Variants in PTCH2 observed in about 807,000 individuals in gnomAD.
The protein encoded by PTCH2 is patched 2, also known as protein patched homolog 2.
Under a neutral mutation model 117.9 loss-of-function variants are expected in PTCH2, and 96 were observed. The ratio of observed to expected loss-of-function variants is 0.81; its 90% CI spans 0.69 to 0.96. The LOEUF (loss-of-function observed/expected upper bound fraction) is 0.96, where lower values mean the gene tolerates loss of function less well. PTCH2 is among the 50% of genes least tolerant of loss of function. The probability of loss-of-function intolerance (pLI) is 0.00; values close to 1 mark genes in which losing one functional copy is unlikely to be tolerated. For missense variants in PTCH2, 1,379 were observed against 1,562.5 expected (o/e 0.88, Z 1.98); for synonymous variants, 615 against 660.9 (o/e 0.93, Z 1.06).
At chr1:44,833,083 G>A (rs1317260342) in intron 2 of PTCH2, among the ~76,000 whole-genome samples, 6 of 152,094 alleles carry the variant, frequency 3.9e-5, no homozygotes, top group Admixed American at 2.6e-4. Flanking sequence ...CCTTTTCACC[G>A]CCCTCACTGT....
rs184331098 is a variant in PTCH2, at chr1:44,831,108, G to A, written c.618-65C>T. 463 of 1,496,764 alleles carry A rather than the reference G, an allele frequency of 3.1e-4. No homozygotes were observed. In the African/African-American group the frequency reaches 5.8e-3, roughly 19 times the overall value. The allele number at this position is 1,496,764 out of a possible 1,614,324, so 92.7% of individuals were successfully genotyped here. Reference sequence around the variant, plus strand: ...AAACCCAGGCTCCAAACTGCTGCTGGGGCGCCATGCTGTACCCCACCCTCC... The same window carrying A: ...AAACCCAGGCTCCAAACTGCTGCTGAGGCGCCATGCTGTACCCCACCCTCC... On this transcript the variant is annotated intron_variant, in intron 5 of 21. Transcript: ENST00000372192. This position sits in a 1 kb window ranked among gnomAD's most constrained non-coding sequence, Gnocchi z 4.3.
At chr1:44,840,153 A>C (rs1329349202) in intron 2 of PTCH2, among the ~76,000 whole-genome samples, 1 of 141,048 alleles carries the variant, frequency 7.1e-6, no homozygotes, top group African/African-American at 2.8e-5. Context: ...CCCAGGCTGG[A>C]GTGCAGTGCG....
Position 44,827,707 on chromosome 1 carries a change from A to G in PTCH2, c.2066T>C (p.Val689Ala). The G allele has an allele frequency of 6.2e-7, 1 of 1,611,284 alleles. No individual in the cohort carries two copies. Among genetic ancestry groups the G allele is most frequent in the Non-Finnish European group, 8.5e-7 (1 of 1,179,996 alleles). ...LLLQSHAKAI[V>A]LVLFGALLGL... ...CAGAAGAGCACCAAAGAGCACCAGCACGATGGCCTGCGGGATGTAGCAACT... is the reference window on the plus strand; with the variant it reads ...CAGAAGAGCACCAAAGAGCACCAGCGCGATGGCCTGCGGGATGTAGCAACT... The change falls in exon 15 of 22, where the codon GTG becomes GCG. Residue 689 changes from valine to alanine, a missense_variant. Val to Ala is a moderately conservative substitution (Grantham distance 64). Transcript: ENST00000372192.
chr1:44,826,184 G>A lies in PTCH2; in HGVS notation c.3114+66C>T. ...AAATAGTACCTAGCACATAGTAGGG[G>A]CTTGAACAATATGTGTTGAATACTG... On this transcript the variant is annotated intron_variant, in intron 19 of 21. Coordinates refer to ENST00000372192, the MANE Select transcript of PTCH2 (RefSeq NM_003738.5). This position sits in a 1 kb window ranked among gnomAD's most constrained non-coding sequence, Gnocchi z 5.1. 6.4e-7 allele frequency: 1 copy of A among 1,569,016 alleles called. No homozygotes were observed. The highest frequency in any genetic ancestry group is 8.7e-7 in the Non-Finnish European group (1 of 1,153,350).
chr1:44,832,368 G>T (rs201889657), intron 2 of PTCH2, 27 bp from the exon 3 acceptor site: 14 of 1,612,826 alleles, frequency 8.7e-6, no homozygotes, highest in African/African-American at 5.3e-5. Flanking sequence ...AGAAAGCTGG[G>T]GGGGAAAGGG....
rs2148870836 is a variant in PTCH2, at chr1:44,822,276, C to T, written c.*139G>A. The T allele has an allele frequency of 6.4e-7, 1 of 1,573,764 alleles. No individual in the cohort carries two copies. The highest frequency in any genetic ancestry group is 8.6e-7 in the Non-Finnish European group (1 of 1,167,096). On this transcript the variant is annotated 3_prime_UTR_variant, in exon 22 of 22. Transcript: ENST00000372192. ...CTGTTCTGTATGGATATCAGGGAGGCCCATGACAGCTGGGTCGGGAGAGGG... is the reference window on the plus strand; with the variant it reads ...CTGTTCTGTATGGATATCAGGGAGGTCCATGACAGCTGGGTCGGGAGAGGG...
At chr1:44,828,245 G>T in intron 13 of PTCH2, 51 bp downstream of exon 13, 2 of 1,612,542 alleles carry the variant, frequency 1.2e-6, no homozygotes, top group South Asian at 2.2e-5. Context: ...GCTGGTGAGG[G>T]GACAGGCTGG....
At chr1:44,842,273 CCTT>C (rs1653982325) in intron 1 of PTCH2, among the ~76,000 whole-genome samples, 2 of 125,576 alleles carry the variant, frequency 1.6e-5, no homozygotes, top group African/African-American at 6.3e-5. Flanking sequence ...TGTTTTCTCT[CCTT>C]TTTTTTTTTT....
chr1:44,829,129 C>G (rs1002087670), intron 10 of PTCH2, 28 bp downstream of exon 10: 1 of 1,613,804 alleles, frequency 6.2e-7, no homozygotes, highest in Non-Finnish European at 8.5e-7. Flanking sequence ...GTGACTGGCA[C>G]TGAGTCTGCC....
intron 2 of PTCH2, among the ~76,000 whole-genome samples, chr1:44,841,616 CACAG>C (rs1465093342): frequency 6.6e-6 from 1 of 152,322 alleles, no homozygotes; most frequent in East Asian, 1.9e-4. Flanking sequence ...CGTACAAAAT[CACAG>C]ACAAATATTC....
At chr1:44,824,273 C>T (rs1161564143) in intron 19 of PTCH2, among the ~76,000 whole-genome samples, 2 of 152,082 alleles carry the variant, frequency 1.3e-5, no homozygotes, top group African/African-American at 4.8e-5. Flanking sequence ...TGTTTGTTTT[C>T]AAGGATCATA....
Position 44,823,472 on chromosome 1 carries a change from T to C in PTCH2, c.3115-87A>G. On this transcript the variant is annotated intron_variant, in intron 19 of 21. Coordinates refer to ENST00000372192, the MANE Select transcript of PTCH2 (RefSeq NM_003738.5). The surrounding 1 kb of genome is among the most constrained non-coding windows in gnomAD (Gnocchi z 5.1). ...CCCGAGCTGTATCTGTCTTCAGAGC[T>C]CAACGATACCTTGGCCCACCAAAGG... The C allele has an allele frequency of 6.3e-7, 1 of 1,584,792 alleles. No homozygotes were observed. Among genetic ancestry groups the C allele is most frequent in the South Asian group, 1.1e-5 (1 of 89,116 alleles).
rs1365665350 is a variant in PTCH2, at chr1:44,831,963, C to T, written c.525+12G>A. 2 of 1,607,752 alleles carry T rather than the reference C, an allele frequency of 1.2e-6. No homozygotes were observed. The highest frequency in any genetic ancestry group is 1.7e-5 in the Admixed American group (1 of 60,006). ...AAAAAGTTCTGCCTCTACTCCCTCT[C>T]AGGACACTTACCCGCTCAATCATTC... On this transcript the variant is annotated intron_variant, in intron 4 of 21. Coordinates refer to ENST00000372192, the MANE Select transcript of PTCH2 (RefSeq NM_003738.5). The surrounding 1 kb of genome is among the most constrained non-coding windows in gnomAD (Gnocchi z 4.3).
intron 2 of PTCH2, among the ~76,000 whole-genome samples, chr1:44,834,148 TC>T (rs1422764850): frequency 2.0e-5 from 3 of 150,784 alleles, no homozygotes; most frequent in Non-Finnish European, 4.4e-5. Flanking sequence ...AGACTGAGTT[TC>T]GCTCTTATTG....
At position 44,826,661 on chromosome 1, in the gene PTCH2, C is replaced by T. The variant is rs144561012; in HGVS notation, c.2803G>A (p.Ala935Thr). The T allele has an allele frequency of 5.9e-5, 95 of 1,611,320 alleles. No homozygotes were observed. The highest frequency in any genetic ancestry group is 2.3e-4 in the African/African-American group (17 of 75,012). The change falls in exon 18 of 22, where the codon GCA (alanine) becomes ACA (threonine). Residue 935 changes from alanine to threonine, a missense_variant. Ala to Thr is a moderately conservative substitution (Grantham distance 58). Coordinates refer to ENST00000372192, the MANE Select transcript of PTCH2 (RefSeq NM_003738.5). The surrounding 1 kb of genome is among the most constrained non-coding windows in gnomAD (Gnocchi z 5.1). Reference protein sequence around the residue: ...EAIEGARAACAEAGQAGVHAY... With the variant: ...EAIEGARAACTEAGQAGVHAY... The stretch of plus-strand genomic sequence containing the variant: ...TGCACCCCAGCCTGGCCGGCCTCTG[C>T]GCATGCTGCCCGGGCCCCCTCGATG...
intron 19 of PTCH2, among the ~76,000 whole-genome samples, chr1:44,824,282 T>C (rs1385930966): frequency 6.6e-6 from 1 of 152,196 alleles, no homozygotes; most frequent in Admixed American, 6.5e-5. Flanking sequence ...TCAAGGATCA[T>C]ATATTGTTTT....
chr1:44,821,150 T>C (rs1652894489), downstream of PTCH2, among the ~76,000 whole-genome samples: 1 of 152,114 alleles, frequency 6.6e-6, no homozygotes, highest in Non-Finnish European at 1.5e-5. Flanking sequence ...TGAACTAGAC[T>C]ATGGGTCCTA....
At position 44,842,919 on chromosome 1, in the gene PTCH2, G is replaced by A. The variant is rs1252822973; in HGVS notation, c.14C>T (p.Pro5Leu). 49 of 1,548,230 alleles carry A rather than the reference G, an allele frequency of 3.2e-5. No individual in the cohort carries two copies. The Admixed American group carries it at 9.7e-4, about 31-fold the overall frequency. The change falls in exon 1 of 22, where the codon CCG becomes CTG. Residue 5 changes from proline (P) to leucine (L), a missense_variant. Transcript: ENST00000372192. ...ACTCGGGGGCAGCTCTCTGAGGGGC[G>A]GCGATCGAGTCATGCTGGCGGGGAT... MTRS[P>L]PLRELPPSYT...
rs11573540 is a variant in PTCH2 at position 44,839,900 on chromosome 1, C to T, written c.265+1947G>A. 5.1e-3 allele frequency among the ~76,000 whole-genome samples: 770 copies of T among 152,116 alleles called. 7 individuals are homozygous for T. The highest frequency in any genetic ancestry group is 0.015 in the African/African-American group (640 of 41,488). ...GCAGGCAAGCTCTGAGAAACATCTG[C>T]TGTGGATCCTAGGACTTGCCAGTAT... is the stretch of plus-strand genomic sequence containing the variant. On this transcript the variant is annotated intron_variant, in intron 2 of 21. Coordinates refer to ENST00000372192, the MANE Select transcript of PTCH2 (RefSeq NM_003738.5).
Sources: allele counts gnomAD v4.1 joint callset (sites outside exome capture counted in the v4.1 genomes callset), GRCh38; gene constraint gnomAD v4.1.1; non-coding constraint Gnocchi (gnomAD v3.1); transcripts MANE v1.5; gene names NCBI Gene and HGNC (gene_info 2026-07-23, HGNC 2026-07-21).